The following ADCY7 variants were observed in gnomAD, a reference collection of about 807,000 sequenced individuals.
The protein encoded by ADCY7 is adenylate cyclase 7.
In ADCY7, 72 loss-of-function variants were observed where a neutral mutation model predicts 120.6. The ratio of observed to expected loss-of-function variants is 0.60; its 90% CI spans 0.49 to 0.73. ADCY7 has a LOEUF of 0.73. Ranked by LOEUF, ADCY7 falls within the 30% of genes least tolerant of loss-of-function variation. The probability of loss-of-function intolerance (pLI) is 0.00; values close to 1 mark genes in which losing one functional copy is unlikely to be tolerated. For synonymous variants in ADCY7, 661 were observed against 628.0 expected (o/e 1.05, Z -0.78); for missense variants, 1,227 against 1,486.0 (o/e 0.83, Z 2.87).
intron 1 of ADCY7, among the ~76,000 whole-genome samples, chr16:50,268,423 C>T (rs928195655): frequency 6.6e-5 from 10 of 151,866 alleles, no homozygotes; most frequent in African/African-American, 2.2e-4. Flanking sequence ...TTTTTTAAGA[C>T]AGGATCTCAC....
At chr16:50,308,214 G>C in intron 15 of ADCY7, 113 bp from the exon 16 acceptor site, 1 of 1,585,582 alleles carries the variant, frequency 6.3e-7, no homozygotes, top group Non-Finnish European at 8.6e-7. Flanking sequence ...CTTTGCTGTG[G>C]GCAGAATACC....
At position 50,317,981 on chromosome 16, in the gene ADCY7, G is replaced by T. The variant is rs2036891495; in HGVS notation, c.*2476G>T. 1 of 152,298 alleles carries T rather than the reference G, an allele frequency of 6.6e-6. No homozygotes were observed. 9.4% of individuals were successfully genotyped at this position (152,298 alleles called of 1,614,324 possible). A position where few individuals can be genotyped will look rare whatever the true frequency, so the allele number is the denominator to read the frequency against. ...ATAATAGGTCAGTGTAAAGAAATAT[G>T]ATTTGAGGTGGTGCATGCAAGTAAC... On this transcript the variant is annotated 3_prime_UTR_variant, in exon 26 of 26. Transcript: ENST00000673801.
chr16:50,309,242 A>C, intron 17 of ADCY7: 1 of 379,072 alleles, frequency 2.6e-6, no homozygotes, highest in Non-Finnish European at 4.8e-6. Context: ...GGTTTTTGGA[A>C]TGTGTTCCTG....
intron 10 of ADCY7, among the ~76,000 whole-genome samples, chr16:50,303,497 C>T (rs527580832): frequency 2.8e-4 from 42 of 152,274 alleles, no homozygotes; most frequent in African/African-American, 8.2e-4. Context: ...ACCTGGAGCC[C>T]GCTTAAGCTC....
chr16:50,265,630 G>A (rs1026063924), upstream of ADCY7, among the ~76,000 whole-genome samples: 3 of 152,242 alleles, frequency 2.0e-5, no homozygotes, highest in Admixed American at 6.5e-5. Context: ...CAGCACAGAG[G>A]TGCTGTGATG....
intron 2 of ADCY7, among the ~76,000 whole-genome samples, chr16:50,289,911 C>T (rs1023106727): frequency 2.0e-5 from 3 of 152,246 alleles, no homozygotes; most frequent in African/African-American, 7.2e-5. Context: ...CCACAGGATG[C>T]TTGCTACTGT....
In ADCY7 at chr16:50,309,566, G is replaced by GT; in HGVS notation, c.2082dup (p.Pro695SerfsTer8). 1 of 1,613,962 alleles carries GT rather than the reference G, an allele frequency of 6.2e-7. No individual in the cohort carries two copies. The highest frequency in any genetic ancestry group is 8.5e-7 in the Non-Finnish European group (1 of 1,179,992). On this transcript the variant is annotated frameshift_variant, in exon 18 of 26. Transcript: ENST00000673801. LOFTEE classifies it high-confidence loss of function. ...TCTACAGCCCCTGATGCCTTTCCAAGTTCCAGAGCTGCCTGTTGGCAATGA... is the reference window on the plus strand; with the variant it reads ...TCTACAGCCCCTGATGCCTTTCCAAGTTTCCAGAGCTGCCTGTTGGCAATGA...
chr16:50,257,312 G>T (rs1486758548), intron 1 of ADCY7, among the ~76,000 whole-genome samples: 1 of 152,044 alleles, frequency 6.6e-6, no homozygotes, highest in East Asian at 1.9e-4. Flanking sequence ...GTGTAGGTAA[G>T]GGGGGCAGGG....
chr16:50,273,026 C>A (rs760716294), intron 1 of ADCY7, among the ~76,000 whole-genome samples: 1 of 152,162 alleles, frequency 6.6e-6, no homozygotes, highest in Non-Finnish European at 1.5e-5. Context: ...AGCAGAGCTG[C>A]CCTTTGGGGG....
intron 21 of ADCY7, 128 bp from the exon 22 acceptor site, chr16:50,312,762 G>GC: frequency 1.3e-6 from 1 of 770,286 alleles, no homozygotes; most frequent in East Asian, 3.5e-5. Context: ...CATGCAGCCC[G>GC]CCCCCCTCCC....
chr16:50,264,833 C>CT (rs34527039), upstream of ADCY7, among the ~76,000 whole-genome samples: 1,120 of 110,322 alleles, frequency 0.01, 27 homozygotes, highest in Admixed American at 0.025. Context: ...TGTGGGAGGT[C>CT]TTTTTTTTTT....
intron 7 of ADCY7, among the ~76,000 whole-genome samples, chr16:50,296,570 A>G (rs193260787): frequency 1.7e-3 from 258 of 151,968 alleles, no homozygotes; most frequent in African/African-American, 5.8e-3. Context: ...GTTAGCCAGG[A>G]TGGTCTTGAT....
At chr16:50,309,304 C>T (rs1054011710) in intron 17 of ADCY7, 5 of 494,284 alleles carry the variant, frequency 1.0e-5, no homozygotes, top group African/African-American at 5.9e-5. Context: ...TGGTCCCGGC[C>T]CCTCCCCCTG....
rs149953515 is a variant in ADCY7, at chr16:50,314,053, C to T, written c.2847C>T (p.His949=). 5.4e-4 allele frequency: 864 copies of T among 1,613,650 alleles called. 2 individuals carry two copies. Among genetic ancestry groups the T allele is most frequent in the African/African-American group, 2.4e-3 (177 of 75,024 alleles). Residue 949 remains histidine, a synonymous_variant, in exon 23 of 26, where the codon CAC becomes CAT. Coordinates refer to ENST00000673801, the MANE Select transcript of ADCY7 (RefSeq NM_001114.5). ...CAGGGCTCAGCGTCGCCTCAGGGCA[C>T]GAGAACCAGGTACTCAAGCCCAAGA... ...AAAGLSVASG[H]ENQELERQHA... is the part of the protein sequence containing the mutation.
In ADCY7 at chr16:50,313,966, G is replaced by A. The variant is rs762373584; in HGVS notation, c.2760G>A (p.Leu920=). 6 of 1,613,666 alleles carry A rather than the reference G, an allele frequency of 3.7e-6. No individual in the cohort carries two copies. In the Admixed American group the frequency reaches 8.3e-5, roughly 22 times the overall value. Residue 920 remains leucine, a synonymous_variant, in exon 23 of 26, where the codon CTG becomes CTA. Coordinates refer to ENST00000673801, the MANE Select transcript of ADCY7 (RefSeq NM_001114.5). ...EIIADFDELL[L]KPKFSGVEKI... is the part of the protein sequence containing the mutation. ...TTCCTTCTTGCCTGCAGCTCCTACT[G>A]AAGCCCAAGTTCAGCGGCGTGGAGA...
At chr16:50,286,254 C>T (rs2034572199) in intron 1 of ADCY7, among the ~76,000 whole-genome samples, 2 of 150,312 alleles carry the variant, frequency 1.3e-5, no homozygotes, top group South Asian at 4.2e-4. Context: ...CTACTGCAGC[C>T]TAAGTCTCCC....
chr16:50,305,984 T>G, intron 14 of ADCY7, 135 bp downstream of exon 14: 2 of 812,086 alleles, frequency 2.5e-6, no homozygotes, highest in Non-Finnish European at 4.1e-6. Flanking sequence ...CCACAGCTGC[T>G]CCTGGGCGGG....
rs180839948 is a variant in ADCY7 at position 50,307,828 on chromosome 16, T to C, written c.1851-499T>C. Among the ~76,000 whole-genome samples, 361 of 152,200 alleles carry C rather than the reference T, an allele frequency of 2.4e-3. 1 individual carries two copies. Among genetic ancestry groups the C allele is most frequent in the African/African-American group, 8.3e-3 (346 of 41,510 alleles). On this transcript the variant is annotated intron_variant, in intron 15 of 25. Coordinates refer to ENST00000673801, the MANE Select transcript of ADCY7 (RefSeq NM_001114.5). Reference sequence around the variant, plus strand: ...CTGGCCAACATGGTGAAACCCCGTCTCTACCAAAAATACAAAAATTAGCTG... The same window carrying C: ...CTGGCCAACATGGTGAAACCCCGTCCCTACCAAAAATACAAAAATTAGCTG...
chr16:50,254,237 CCA>C (rs1388787489), intron 1 of ADCY7, among the ~76,000 whole-genome samples: 4 of 152,172 alleles, frequency 2.6e-5, no homozygotes, highest in Non-Finnish European at 5.9e-5. Flanking sequence ...CACCAGCACG[CCA>C]CTCCACGCAC....
Sources: allele counts gnomAD v4.1 joint callset (sites outside exome capture counted in the v4.1 genomes callset), GRCh38; gene constraint gnomAD v4.1.1; transcripts MANE v1.5; gene names NCBI Gene and HGNC (gene_info 2026-07-23, HGNC 2026-07-21).